TPD52L1: variants seen among roughly 807,000 people sequenced by gnomAD.
TPD52L1 encodes tumor protein D53.
In TPD52L1, 18 loss-of-function variants were observed where a neutral mutation model predicts 28.7. That is an observed-to-expected ratio of 0.63 (90% CI 0.43 to 0.93). The LOEUF (loss-of-function observed/expected upper bound fraction) is 0.93. TPD52L1 is among the 40% of genes least tolerant of loss of function. The pLI, the probability that TPD52L1 is intolerant of heterozygous loss-of-function variation, is 0.00. For synonymous variants in TPD52L1, 75 were observed against 88.8 expected, an observed-to-expected ratio of 0.84 and a Z score of 0.88; for missense variants, 203 against 254.8, an observed-to-expected ratio of 0.80 and a Z score of 1.39.
intron 2 of TPD52L1, among the ~76,000 whole-genome samples, chr6:125,220,870 G>A (rs1262297039): frequency 1.3e-5 from 2 of 152,176 alleles, no homozygotes; most frequent in Non-Finnish European, 2.9e-5. Context: ...TTTCTAGGAG[G>A]AGAGTGTTGT....
intron 2 of TPD52L1, among the ~76,000 whole-genome samples, chr6:125,224,558 A>G (rs1795474417): frequency 6.6e-6 from 1 of 152,044 alleles, no homozygotes; most frequent in South Asian, 2.1e-4. Context: ...TAATGTCTTC[A>G]TAACCATAAT....
intron 4 of TPD52L1, chr6:125,252,069 C>G (rs1368916960): frequency 2.0e-6 from 3 of 1,535,798 alleles, no homozygotes; most frequent in Non-Finnish European, 1.7e-6. Flanking sequence ...TGGGGCTTTC[C>G]CCACTCCCTT....
chr6:125,257,043 G>C (rs1455554313), intron 5 of TPD52L1, 55 bp from the exon 6 acceptor site: 6 of 1,499,244 alleles, frequency 4.0e-6, no homozygotes, highest in African/African-American at 2.8e-5. Context: ...CAAACAGCAT[G>C]GTTGCTAAGA....
At chr6:125,257,062 C>A in intron 5 of TPD52L1, 36 bp from the exon 6 acceptor site, 1 of 1,581,738 alleles carries the variant, frequency 6.3e-7, no homozygotes, top group Non-Finnish European at 8.7e-7. Context: ...GACAGCTAGG[C>A]CTTTGGAGCT....
intron 3 of TPD52L1, among the ~76,000 whole-genome samples, chr6:125,243,824 C>T (rs1796761684): frequency 6.6e-6 from 1 of 150,768 alleles, no homozygotes; most frequent in Non-Finnish European, 1.5e-5. Context: ...TGGTTTGGAT[C>T]CATTCCTAGG....
intron 1 of TPD52L1, among the ~76,000 whole-genome samples, chr6:125,191,719 G>A (rs1023885858): frequency 6.6e-6 from 1 of 152,152 alleles, no homozygotes; most frequent in Non-Finnish European, 1.5e-5. Context: ...AGAGCTGGGA[G>A]TGAAGGAAGA....
chr6:125,240,379 G>T (rs1796548889), intron 3 of TPD52L1, among the ~76,000 whole-genome samples: 1 of 152,026 alleles, frequency 6.6e-6, no homozygotes, highest in South Asian at 2.1e-4. Context: ...ATGATATTTT[G>T]ATGGGAATTG....
At chr6:125,191,429 C>A (rs1237430748) in intron 1 of TPD52L1, among the ~76,000 whole-genome samples, 3 of 152,140 alleles carry the variant, frequency 2.0e-5, no homozygotes, top group East Asian at 3.9e-4. Context: ...GACTTAATTC[C>A]TTTTCTTTGA....
intron 6 of TPD52L1, chr6:125,260,414 A>G (rs1427744793): frequency 1.3e-5 from 2 of 152,176 alleles, no homozygotes; most frequent in Non-Finnish European, 2.9e-5. Flanking sequence ...ACATTTTTTA[A>G]TGGTTGAAAA....
At chr6:125,256,403 G>A (rs372413092) in intron 5 of TPD52L1, among the ~76,000 whole-genome samples, 1 of 152,196 alleles carries the variant, frequency 6.6e-6, no homozygotes, top group South Asian at 2.1e-4. Flanking sequence ...AAGAGAACAA[G>A]TAGGTATATC....
chr6:125,180,569 T>TATATACAC (rs1554203761), intron 1 of TPD52L1, among the ~76,000 whole-genome samples: 4,346 of 150,222 alleles, frequency 0.029, 152 homozygotes, highest in East Asian at 0.2. Context: ...ATATTATATA[T>TATATACAC]ACACACACAC....
chr6:125,199,727 C>G (rs919128410), intron 1 of TPD52L1, among the ~76,000 whole-genome samples: 2 of 152,152 alleles, frequency 1.3e-5, no homozygotes, highest in African/African-American at 4.8e-5. Context: ...TTAAGTTTAG[C>G]TTGCCTGCAA....
chr6:125,169,748 T>C (rs2114771774), intron 1 of TPD52L1, among the ~76,000 whole-genome samples: 1 of 152,304 alleles, frequency 6.6e-6, no homozygotes, highest in East Asian at 1.9e-4. Context: ...TGGACTGCCT[T>C]CACTCCATTC....
chr6:125,155,137 T>C (rs1790035893), intron 1 of TPD52L1, among the ~76,000 whole-genome samples: 1 of 152,160 alleles, frequency 6.6e-6, no homozygotes, highest in Non-Finnish European at 1.5e-5. Flanking sequence ...TTCCCATATT[T>C]TTTCCTCTAT....
intron 1 of TPD52L1, among the ~76,000 whole-genome samples, chr6:125,171,260 C>G (rs1791280492): frequency 6.6e-6 from 1 of 152,142 alleles, no homozygotes; most frequent in Non-Finnish European, 1.5e-5. Flanking sequence ...ATATGATGTA[C>G]ACTCAACAGA....
chr6:125,201,708 A>G (rs762717475), intron 1 of TPD52L1, among the ~76,000 whole-genome samples: 8 of 152,158 alleles, frequency 5.3e-5, no homozygotes, highest in Non-Finnish European at 1.2e-4. Context: ...TGCTTTCCCT[A>G]TTGCTAGTGA....
At chr6:125,244,702 A>C (rs1018646514) in intron 3 of TPD52L1, among the ~76,000 whole-genome samples, 2 of 152,154 alleles carry the variant, frequency 1.3e-5, no homozygotes, top group Non-Finnish European at 2.9e-5. Context: ...GGGAAGCCCA[A>C]CTGTGTCTGC....
intron 3 of TPD52L1, among the ~76,000 whole-genome samples, chr6:125,241,710 CTT>C (rs888944143): frequency 7.2e-5 from 11 of 151,980 alleles, no homozygotes; most frequent in East Asian, 1.9e-4. Context: ...GATTCTCTCT[CTT>C]GTTTTCTTGG....
chr6:125,172,242 T>G (rs1289903855), intron 1 of TPD52L1, among the ~76,000 whole-genome samples: 1 of 144,228 alleles, frequency 6.9e-6, no homozygotes, highest in Non-Finnish European at 1.5e-5. Context: ...TTTCCTTCCT[T>G]TCTTCCTTTC....
Sources: gnomAD v4.1 joint callset for allele counts (sites outside exome capture counted in the v4.1 genomes callset) on GRCh38, gnomAD v4.1.1 for gene constraint, MANE v1.5 for transcripts, NCBI Gene and HGNC (gene_info 2026-07-23, HGNC 2026-07-21) for gene names.